The following TTC29 variants were observed in gnomAD, a reference collection of about 807,000 sequenced individuals.
TTC29 encodes tetratricopeptide repeat protein 29.
Under a neutral mutation model 58.1 loss-of-function variants are expected in TTC29, and 49 were observed. That is an observed-to-expected ratio of 0.84 (90% CI 0.67 to 1.07). The LOEUF is 1.07. TTC29 is among the 50% of genes least tolerant of loss of function. TTC29 has a pLI of 0.00. For missense variants in TTC29, 582 were observed against 555.6 expected, an observed-to-expected ratio of 1.05 and a Z score of -0.48; for synonymous variants, 209 against 196.8, an observed-to-expected ratio of 1.06 and a Z score of -0.52.
chr4:146,936,625 C>T (rs10519845), intron 4 of TTC29, among the ~76,000 whole-genome samples: 11,374 of 152,040 alleles, frequency 0.075, 1,448 homozygotes, highest in African/African-American at 0.26. Context: ...AAAATTTTGT[C>T]ATTCTATAAA....
rs1167975698 is a variant in TTC29 at position 146,741,652 on chromosome 4, G to C, written c.1331-34101C>G. 5.3e-5 allele frequency among the ~76,000 whole-genome samples: 8 copies of C among 152,158 alleles called. No individual in the cohort carries two copies. The East Asian group carries it at 7.7e-4, about 15-fold the overall frequency. ...AGTTCCTCCTCTACATTGCCACAGAGTTACATTTGCACATTCCCAAGAATC... is the reference window on the plus strand; with the variant it reads ...AGTTCCTCCTCTACATTGCCACAGACTTACATTTGCACATTCCCAAGAATC... On this transcript the variant is annotated intron_variant, in intron 11 of 12. Transcript: ENST00000325106.
intron 11 of TTC29, among the ~76,000 whole-genome samples, chr4:146,747,619 G>A (rs1002148766): frequency 1.3e-5 from 2 of 152,198 alleles, no homozygotes; most frequent in African/African-American, 2.4e-5. Flanking sequence ...GCACGCTGGA[G>A]CAGTTGTGCC....
chr4:146,810,699 T>C (rs912698058), intron 10 of TTC29, among the ~76,000 whole-genome samples: 1 of 149,988 alleles, frequency 6.7e-6, no homozygotes, highest in Non-Finnish European at 1.5e-5. Context: ...CAAGCGATTC[T>C]CCTGCCTCAG....
intron 11 of TTC29, among the ~76,000 whole-genome samples, chr4:146,745,389 G>A (rs1474201682): frequency 6.6e-6 from 1 of 152,230 alleles, no homozygotes; most frequent in African/African-American, 2.4e-5. Context: ...GCTGGCACAT[G>A]ATTCTGAGCC....
chr4:146,923,952 T>C (rs1734762541), intron 4 of TTC29, among the ~76,000 whole-genome samples: 2 of 150,320 alleles, frequency 1.3e-5, no homozygotes, highest in Admixed American at 1.3e-4. Flanking sequence ...TATATGTACA[T>C]GTATGTGTAT....
In TTC29 at chr4:146,803,515, G is replaced by A; in HGVS notation, c.1272C>T (p.Leu424=). 6.2e-7 allele frequency: 1 copy of A among 1,601,094 alleles called. No homozygotes were observed. The highest frequency in any genetic ancestry group is 8.5e-7 in the Non-Finnish European group (1 of 1,172,808). The part of the protein sequence containing the change: ...NYIESADLTS[L]NYLLSWKESR... ...TCTCCTTCCATGACAGCAGGTAGTT[G>A]AGGCTGGTGAGATCTGCAGACTCTA... Residue 424 remains leucine, a synonymous_variant, in exon 11 of 13, where the codon CTC becomes CTT. Transcript: ENST00000325106.
chr4:146,728,752 GATATATGTACATATATAT>G (rs1743988936), intron 11 of TTC29, among the ~76,000 whole-genome samples: 2 of 68,244 alleles, frequency 2.9e-5, no homozygotes, highest in Non-Finnish European at 7.0e-5. Flanking sequence ...CTGTCCAGAG[GATATATGTACATATATAT>G]ACACATATAT....
At chr4:146,900,492 C>T (rs1733066977) in intron 6 of TTC29, among the ~76,000 whole-genome samples, 1 of 152,136 alleles carries the variant, frequency 6.6e-6, no homozygotes, top group Admixed American at 6.5e-5. Flanking sequence ...CATTTTCCAA[C>T]CTCATCCTTT....
At chr4:146,810,588 CTT>C (rs398051307) in intron 10 of TTC29, among the ~76,000 whole-genome samples, 3 of 96,312 alleles carry the variant, frequency 3.1e-5, no homozygotes, top group African/African-American at 8.0e-5. Flanking sequence ...TACATACCTT[CTT>C]TTTTTTTTTT....
At chr4:146,763,593 C>T (rs912795481) in intron 11 of TTC29, among the ~76,000 whole-genome samples, 3 of 151,996 alleles carry the variant, frequency 2.0e-5, no homozygotes, top group Non-Finnish European at 2.9e-5. Context: ...TAAGGCAACA[C>T]GATGAGCAGG....
intron 7 of TTC29, among the ~76,000 whole-genome samples, chr4:146,874,139 C>T (rs1176782336): frequency 6.6e-6 from 1 of 152,086 alleles, no homozygotes; most frequent in Non-Finnish European, 1.5e-5. Context: ...GCATATACAT[C>T]ACCTGGGTAT....
chr4:146,806,351 C>T (rs191933628), intron 10 of TTC29, among the ~76,000 whole-genome samples: 10 of 152,290 alleles, frequency 6.6e-5, no homozygotes, highest in Admixed American at 6.5e-5. Context: ...CAGCTAGCAT[C>T]GTAATGACAG....
intron 9 of TTC29, among the ~76,000 whole-genome samples, chr4:146,822,291 G>T (rs951668041): frequency 6.6e-6 from 1 of 151,978 alleles, no homozygotes; most frequent in South Asian, 2.1e-4. Flanking sequence ...GTGTCCTTGT[G>T]TTCTTAGTGT....
At chr4:146,831,556 C>T (rs1728163994) in intron 9 of TTC29, 2 of 251,884 alleles carry the variant, frequency 7.9e-6, no homozygotes, top group Admixed American at 4.1e-5. Context: ...AATTCAACTT[C>T]ATGATATATC....
intron 6 of TTC29, among the ~76,000 whole-genome samples, chr4:146,878,437 A>G (rs1731416958): frequency 6.6e-6 from 1 of 152,206 alleles, no homozygotes; most frequent in Non-Finnish European, 1.5e-5. Flanking sequence ...CTTAATGAAC[A>G]TTCCAAAAAC....
chr4:146,730,234 AAAG>A (rs1211003559), intron 11 of TTC29, among the ~76,000 whole-genome samples: 3 of 152,142 alleles, frequency 2.0e-5, no homozygotes, highest in African/African-American at 7.2e-5. Flanking sequence ...CAGCCATAAA[AAAG>A]AAGGAAATCA....
At chr4:146,801,978 C>CAAAAAAAAAAA (rs57486017) in intron 11 of TTC29, among the ~76,000 whole-genome samples, 2 of 38,798 alleles carry the variant, frequency 5.2e-5, no homozygotes, top group Non-Finnish European at 6.4e-5. Context: ...GACTCTGTCT[C>CAAAAAAAAAAA]AAAAAAAAAA....
At chr4:146,853,766 T>G (rs1432537893) in intron 8 of TTC29, among the ~76,000 whole-genome samples, 1 of 152,142 alleles carries the variant, frequency 6.6e-6, no homozygotes, top group Non-Finnish European at 1.5e-5. Flanking sequence ...CCAGGCACAT[T>G]ACTTCTTTAT....
At chr4:146,750,669 T>A (rs866643391) in intron 11 of TTC29, among the ~76,000 whole-genome samples, 8 of 152,196 alleles carry the variant, frequency 5.3e-5, no homozygotes, top group Admixed American at 1.3e-4. Flanking sequence ...TAGCAGATTA[T>A]AAGATTTTTA....
Sources: gnomAD v4.1 joint callset for allele counts (sites outside exome capture counted in the v4.1 genomes callset) on GRCh38, gnomAD v4.1.1 for gene constraint, MANE v1.5 for transcripts, NCBI Gene and HGNC (gene_info 2026-07-23, HGNC 2026-07-21) for gene names.